Variants in FAH observed in about 807,000 individuals in gnomAD.
FAH encodes the protein fumarylacetoacetase.
Under a neutral mutation model 55.8 loss-of-function variants are expected in FAH, and 47 were observed. The observed-to-expected ratio is 0.84, with a 90% CI of 0.67 to 1.07. FAH has a LOEUF of 1.07. Among genes scored for constraint, FAH ranks in the 50% least tolerant of loss-of-function variants. FAH has a pLI of 0.00. For synonymous variants in FAH, 199 were observed against 207.7 expected (o/e 0.96, Z 0.36); for missense variants, 495 against 545.9 (o/e 0.91, Z 0.93).
intron 1 of FAH, among the ~76,000 whole-genome samples, chr15:80,153,402 C>G (rs1190882749): frequency 6.6e-6 from 1 of 152,142 alleles, no homozygotes; most frequent in African/African-American, 2.4e-5. Context: ...TCGTGTCACT[C>G]TCCCAGACAA....
At chr15:80,154,078 A>C (rs1320530654) in intron 1 of FAH, among the ~76,000 whole-genome samples, 2 of 152,154 alleles carry the variant, frequency 1.3e-5, no homozygotes, top group Admixed American at 6.5e-5. Flanking sequence ...GCTTTGGTCT[A>C]GAAGAGTCAA....
intron 11 of FAH, among the ~76,000 whole-genome samples, chr15:80,178,750 AT>A (rs1242827171): frequency 3.5e-4 from 51 of 145,606 alleles, no homozygotes; most frequent in Admixed American, 6.1e-4. Context: ...CGCCCGGCTA[AT>A]TTTTTTTTTT....
intron 1 of FAH, 56 bp from the exon 2 acceptor site, chr15:80,158,004 G>T: frequency 7.5e-7 from 1 of 1,338,478 alleles, no homozygotes; most frequent in South Asian, 1.2e-5. Flanking sequence ...CTGAGTAAAT[G>T]AGCCAAGCCC....
intron 9 of FAH, chr15:80,173,516 C>T (rs2142102135): frequency 2.7e-6 from 1 of 374,170 alleles, no homozygotes; most frequent in Admixed American, 3.7e-5. Flanking sequence ...CCACCTGGAC[C>T]CCAACTCATA....
In FAH at chr15:80,180,151, C is replaced by G; in HGVS notation, c.988C>G (p.Leu330Val). 1 of 1,611,136 alleles carries G rather than the reference C, an allele frequency of 6.2e-7. No homozygotes were observed. The highest frequency in any genetic ancestry group is 1.3e-5 in the African/African-American group (1 of 75,018). ...CATGTACTGGACGATGCTGCAGCAGCTCACTCACCACTCTGTCAACGGCTG... is the reference window on the plus strand; with the variant it reads ...CATGTACTGGACGATGCTGCAGCAGGTCACTCACCACTCTGTCAACGGCTG... Reference protein sequence around the residue: ...KYMYWTMLQQLTHHSVNGCNL... With the variant: ...KYMYWTMLQQVTHHSVNGCNL... Residue 330 changes from leucine to valine, a missense_variant, in exon 12 of 14, where the codon CTC (leucine) becomes GTC (valine). By Grantham distance (32) the Leu-to-Val change is conservative. Coordinates refer to ENST00000561421, the MANE Select transcript of FAH (RefSeq NM_000137.4).
At chr15:80,166,500 A>G (rs1302583871) in intron 5 of FAH, 2 of 151,926 alleles carry the variant, frequency 1.3e-5, no homozygotes, top group African/African-American at 4.8e-5. Flanking sequence ...TCATTTCTCT[A>G]TTATTAGTTT....
chr15:80,162,204 A>G (rs751997416), intron 4 of FAH, 42 bp from the exon 5 acceptor site: 3 of 1,467,570 alleles, frequency 2.0e-6, no homozygotes, highest in Middle Eastern at 3.5e-4. Context: ...TTCCTGAGGC[A>G]TGTGGGTTGC....
chr15:80,175,965 C>A (rs1179484052), intron 10 of FAH, among the ~76,000 whole-genome samples: 1 of 152,236 alleles, frequency 6.6e-6, no homozygotes, highest in Non-Finnish European at 1.5e-5. Context: ...CCTAGCCACA[C>A]TCTGGCCAAA....
At chr15:80,157,792 A>G in intron 1 of FAH, 1 of 515,760 alleles carries the variant, frequency 1.9e-6, no homozygotes, top group Non-Finnish European at 3.5e-6. Context: ...GGCTAGGACC[A>G]GGCTGACTGC....
At chr15:80,163,025 C>T (rs2041161603) in intron 5 of FAH, 1 of 157,458 alleles carries the variant, frequency 6.4e-6, no homozygotes, top group African/African-American at 2.4e-5. Flanking sequence ...ACTCCAGGCC[C>T]CAGTGCCATC....
chr15:80,158,758 C>T (rs1344040770), intron 2 of FAH, among the ~76,000 whole-genome samples: 4 of 152,108 alleles, frequency 2.6e-5, no homozygotes, highest in Non-Finnish European at 4.4e-5. Context: ...CTCCTGACCA[C>T]CCTCTGGCAT....
At chr15:80,175,221 C>T (rs888359673) in intron 10 of FAH, 130 bp downstream of exon 10, 11 of 834,856 alleles carry the variant, frequency 1.3e-5, no homozygotes, top group South Asian at 2.8e-5. Flanking sequence ...GTGTGTGGCT[C>T]GTCTAAAGGA....
chr15:80,177,686 A>G, intron 11 of FAH, 103 bp downstream of exon 11: 1 of 1,129,802 alleles, frequency 8.9e-7, no homozygotes, highest in Non-Finnish European at 1.3e-6. Context: ...GGATATGATG[A>G]TGGGTCAGCC....
chr15:80,173,555 A>G (rs776810824), intron 9 of FAH: 1 of 350,248 alleles, frequency 2.9e-6, no homozygotes, highest in Non-Finnish European at 5.6e-6. Context: ...AGCAACAGGG[A>G]GTCCCTGCAG....
At position 80,153,017 on chromosome 15, in the gene FAH, C is replaced by T; in HGVS notation, c.-38C>T. On this transcript the variant is annotated 5_prime_UTR_variant, in exon 1 of 14. Coordinates refer to ENST00000561421, the MANE Select transcript of FAH (RefSeq NM_000137.4). ...CGAGTTCAGTCCTGCTCTCCGCACG[C>T]CACCTTAGGCCCGCAGCCGTGCCGG... 1 of 1,591,334 alleles carries T rather than the reference C, an allele frequency of 6.3e-7. No homozygotes were observed. Among genetic ancestry groups the T allele is most frequent in the Non-Finnish European group, 8.6e-7 (1 of 1,163,868 alleles).
At chr15:80,170,291 G>A (rs2142099609) in intron 7 of FAH, among the ~76,000 whole-genome samples, 1 of 152,360 alleles carries the variant, frequency 6.6e-6, no homozygotes, top group Admixed American at 6.5e-5. Flanking sequence ...AGCTCTGAGT[G>A]CCTCATCACT....
At chr15:80,165,568 G>A (rs1479420192) in intron 5 of FAH, among the ~76,000 whole-genome samples, 7 of 151,520 alleles carry the variant, frequency 4.6e-5, no homozygotes, top group Admixed American at 2.6e-4. Flanking sequence ...GGTGGCGGGC[G>A]CCTGTAGTCC....
chr15:80,162,962 G>C (rs2041161276), intron 5 of FAH: 1 of 169,516 alleles, frequency 5.9e-6, no homozygotes, highest in African/African-American at 2.4e-5. Flanking sequence ...TTGTCCCCTG[G>C]ATGTGATGGT....
chr15:80,181,598 T>G (rs962507579), intron 13 of FAH, among the ~76,000 whole-genome samples: 1 of 152,074 alleles, frequency 6.6e-6, no homozygotes, highest in African/African-American at 2.4e-5. Context: ...TACCACATTT[T>G]ACTAATAGAG....
Sources: gnomAD v4.1 joint callset for allele counts (sites outside exome capture counted in the v4.1 genomes callset) on GRCh38, gnomAD v4.1.1 for gene constraint, MANE v1.5 for transcripts, NCBI Gene and HGNC (gene_info 2026-07-23, HGNC 2026-07-21) for gene names.